The following POU2AF2 variants were observed in gnomAD, a reference collection of about 807,000 sequenced individuals.
POU2AF2 encodes the protein POU class 2 homeobox associating factor 2, also known as POU domain class 2-associating factor 2.
the POU2AF2 span, among the ~76,000 whole-genome samples, chr11:111,247,189 C>CAGGGAGAGAG: frequency 2.9e-5 from 1 of 34,410 alleles, no homozygotes; most frequent in African/African-American, 8.9e-5. Flanking sequence ...CATACACACA[C>CAGGGAGAGAG]ACAGAGAGAG....
chr11:111,278,556 GTCTCTCTCTCTCTC>G, the POU2AF2 span, among the ~76,000 whole-genome samples: 16 of 148,332 alleles, frequency 1.1e-4, no homozygotes, highest in East Asian at 2.0e-4. Context: ...CTCTCTCTCT[GTCTCTCTCTCTCTC>G]TCTCTCTCTC....
the POU2AF2 span, chr11:111,286,055 G>A: frequency 6.2e-7 from 1 of 1,604,762 alleles, no homozygotes; most frequent in South Asian, 1.1e-5. Flanking sequence ...AGCTTATTGA[G>A]GGGAGGGCCA....
chr11:111,254,335 C>T, the POU2AF2 span, among the ~76,000 whole-genome samples: 1 of 152,162 alleles, frequency 6.6e-6, no homozygotes, highest in Non-Finnish European at 1.5e-5. Context: ...ATTCAAATAA[C>T]TTTGTTTTGC....
the POU2AF2 span, among the ~76,000 whole-genome samples, chr11:111,283,098 G>A: frequency 6.8e-6 from 1 of 147,114 alleles, no homozygotes; most frequent in Admixed American, 6.8e-5. Context: ...CTTGCTCTGG[G>A]CGAGATCTCA....
chr11:111,281,341 T>G, the POU2AF2 span: 1 of 1,459,190 alleles, frequency 6.9e-7, no homozygotes, highest in Non-Finnish European at 9.5e-7. Flanking sequence ...ATTCCTAATT[T>G]TTATTAAATT....
the POU2AF2 span, among the ~76,000 whole-genome samples, chr11:111,248,819 T>C: frequency 6.6e-6 from 1 of 152,240 alleles, no homozygotes; most frequent in South Asian, 2.1e-4. Context: ...GTGTATTTGA[T>C]ATTTAATAAC....
At chr11:111,250,715 G>C in the POU2AF2 span, among the ~76,000 whole-genome samples, 1 of 152,146 alleles carries the variant, frequency 6.6e-6, no homozygotes, top group Non-Finnish European at 1.5e-5. Flanking sequence ...GTATTTTCTG[G>C]GGAGGATGCA....
At chr11:111,286,044 G>T in the POU2AF2 span, 1 of 1,608,346 alleles carries the variant, frequency 6.2e-7, no homozygotes, top group Non-Finnish European at 8.5e-7. Context: ...GAATGCCGCA[G>T]AGCTTATTGA....
At chr11:111,285,515 A>T in the POU2AF2 span, 1 of 807,204 alleles carries the variant, frequency 1.2e-6, no homozygotes, top group Non-Finnish European at 1.9e-6. Context: ...GCCGGAGAGA[A>T]GAGCAGCCTG....
chr11:111,247,187 C>CAGAGAG, the POU2AF2 span, among the ~76,000 whole-genome samples: 1 of 45,072 alleles, frequency 2.2e-5, no homozygotes, highest in Non-Finnish European at 5.2e-5. Context: ...CACATACACA[C>CAGAGAG]ACACAGAGAG....
At chr11:111,284,511 T>C in the POU2AF2 span, 2 of 1,077,642 alleles carry the variant, frequency 1.9e-6, no homozygotes, top group Non-Finnish European at 2.6e-6. Flanking sequence ...GCTTTGCAGC[T>C]GCCTAGAGAT....
chr11:111,262,101 G>A, the POU2AF2 span, among the ~76,000 whole-genome samples: 1 of 152,226 alleles, frequency 6.6e-6, no homozygotes, highest in Non-Finnish European at 1.5e-5. Context: ...TTATTTCACT[G>A]CTAAAATCTC....
chr11:111,265,602 C>T, the POU2AF2 span, among the ~76,000 whole-genome samples: 1 of 152,080 alleles, frequency 6.6e-6, no homozygotes, highest in African/African-American at 2.4e-5. Flanking sequence ...CCTGGTATAG[C>T]ATATGGCATG....
the POU2AF2 span, among the ~76,000 whole-genome samples, chr11:111,250,453 A>T: frequency 6.6e-6 from 1 of 152,214 alleles, no homozygotes; most frequent in Non-Finnish European, 1.5e-5. Flanking sequence ...TAACATGTCC[A>T]TTATTTTCAA....
the POU2AF2 span, chr11:111,284,289 C>T: frequency 6.2e-7 from 1 of 1,613,736 alleles, no homozygotes. Context: ...CCGGCGCTGA[C>T]GCCCAACGCG....
chr11:111,264,577 G>GAAAGAAAGAAAGAAA, the POU2AF2 span, among the ~76,000 whole-genome samples: 5 of 22,928 alleles, frequency 2.2e-4, no homozygotes, highest in Non-Finnish European at 4.5e-4. Flanking sequence ...AGAAAGAAAG[G>GAAAGAAAGAAAGAAA]GAGAGAGAAA....
At chr11:111,283,965 A>C in the POU2AF2 span, 1 of 908,790 alleles carries the variant, frequency 1.1e-6, no homozygotes, top group South Asian at 1.6e-5. Context: ...TTAGCGTTGG[A>C]GTCAGGCACG....
chr11:111,283,987 T>C, the POU2AF2 span: 1 of 1,218,528 alleles, frequency 8.2e-7, no homozygotes, highest in Non-Finnish European at 1.2e-6. Flanking sequence ...GTTAGTAACA[T>C]CGTTTCCCAG....
chr11:111,272,178 ATTTCC>A, the POU2AF2 span, among the ~76,000 whole-genome samples: 1 of 152,000 alleles, frequency 6.6e-6, no homozygotes, highest in Non-Finnish European at 1.5e-5. Flanking sequence ...CCTTAAACTG[ATTTCC>A]TTTTATCTAG....
Sources: allele counts gnomAD v4.1 joint callset (sites outside exome capture counted in the v4.1 genomes callset), GRCh38; gene constraint gnomAD v4.1.1; transcripts MANE v1.5; gene names NCBI Gene and HGNC (gene_info 2026-07-23, HGNC 2026-07-21).